The following GATA4 variants were observed in gnomAD, a reference collection of about 807,000 sequenced individuals.
GATA4 encodes the protein GATA binding protein 4.
Under a neutral mutation model 37.9 loss-of-function variants are expected in GATA4, and 7 were observed. That is an observed-to-expected ratio of 0.18 (90% confidence interval 0.11 to 0.35). GATA4 has a LOEUF of 0.35. Ranked by LOEUF, GATA4 falls within the 10% of genes least tolerant of loss-of-function variation. The pLI, the probability that GATA4 is intolerant of heterozygous loss-of-function variation, is 1.00. For missense variants in GATA4, 647 were observed against 653.0 expected (o/e 0.99, Z 0.10); for synonymous variants, 372 against 292.6 (o/e 1.27, Z -2.77).
intron 2 of GATA4, among the ~76,000 whole-genome samples, chr8:11,744,838 G>C (rs1433890629): frequency 6.6e-6 from 1 of 152,084 alleles, no homozygotes; most frequent in African/African-American, 2.4e-5. Flanking sequence ...TATCGCAATG[G>C]GACTTCTATG....
Position 11,757,179 on chromosome 8 carries a change from G to T in GATA4, c.1149+96G>T, listed in dbSNP as rs117215662. 2.0e-3 allele frequency: 3,137 copies of T among 1,535,942 alleles called. 8 individuals are homozygous for T. Among genetic ancestry groups the T allele is most frequent in the Middle Eastern group, 8.8e-3 (39 of 4,446 alleles). On this transcript the variant is annotated intron_variant, in intron 6 of 6. Transcript: ENST00000532059. ...AGTACTGGGTGGGACTTGCAGCCAG[G>T]CCTCACAGGTGCAAGCAGTGAGCTA...
chr8:11,680,410 C>G (rs990028209), intron 1 of GATA4: 1 of 923,104 alleles, frequency 1.1e-6, no homozygotes, highest in African/African-American at 1.8e-5. Flanking sequence ...CGCCCTCGGC[C>G]CACGAGGCTG....
intron 1 of GATA4, among the ~76,000 whole-genome samples, chr8:11,699,135 AC>A (rs1249502928): frequency 6.6e-6 from 1 of 152,224 alleles, no homozygotes; most frequent in African/African-American, 2.4e-5. Context: ...CACTGCATTC[AC>A]AGAGCATACC....
intron 2 of GATA4, among the ~76,000 whole-genome samples, chr8:11,721,800 A>G (rs975479586): frequency 2.0e-5 from 3 of 152,192 alleles, no homozygotes; most frequent in African/African-American, 4.8e-5. Flanking sequence ...GTGGGATGAC[A>G]TAGGATTACA....
At position 11,709,211 on chromosome 8, in the gene GATA4, T is replaced by C. The variant is rs1800051091; in HGVS notation, c.616+283T>C. Among the ~76,000 whole-genome samples the C allele has an allele frequency of 6.6e-6, 1 of 152,112 alleles. No homozygotes were observed. The highest frequency in any genetic ancestry group is 2.1e-4 in the South Asian group (1 of 4,826). ...TCCCCGCCATCCCAGACATCGACCG[T>C]GGCCGCGCTGCGCTGTGGGTGACGC... On this transcript the variant is annotated intron_variant, in intron 2 of 6. Transcript: ENST00000532059. The surrounding 1 kb of genome is among the most constrained non-coding windows in gnomAD (Gnocchi z 4.3).
At chr8:11,715,665 C>T (rs1266415339) in intron 2 of GATA4, among the ~76,000 whole-genome samples, 9 of 150,466 alleles carry the variant, frequency 6.0e-5, no homozygotes, top group Admixed American at 1.3e-4. Flanking sequence ...TGCTTGAACC[C>T]GGGAGTTGGA....
chr8:11,741,259 C>A (rs1232741097), intron 2 of GATA4, among the ~76,000 whole-genome samples: 2 of 152,066 alleles, frequency 1.3e-5, no homozygotes, highest in Non-Finnish European at 2.9e-5. Flanking sequence ...GGGAGGATTG[C>A]TTGAACTCAG....
At chr8:11,687,057 G>A (rs575285048) in intron 1 of GATA4, among the ~76,000 whole-genome samples, 1 of 152,072 alleles carries the variant, frequency 6.6e-6, no homozygotes, top group Non-Finnish European at 1.5e-5. Flanking sequence ...CTAGGAAGGG[G>A]ATTAACTCCA....
chr8:11,726,089 G>C (rs1391791121), intron 2 of GATA4, among the ~76,000 whole-genome samples: 2 of 152,206 alleles, frequency 1.3e-5, no homozygotes, highest in African/African-American at 4.8e-5. Flanking sequence ...CCATCACCTG[G>C]TACATACAGG....
intron 2 of GATA4, among the ~76,000 whole-genome samples, chr8:11,710,470 A>G (rs1800127864): frequency 6.6e-6 from 1 of 151,264 alleles, no homozygotes; most frequent in Non-Finnish European, 1.5e-5. Context: ...GGACTGGGCC[A>G]GGAGATCGAG....
rs144881982 is a variant in GATA4 at position 11,734,335 on chromosome 8, G to A, written c.617-14581G>A. 1.2e-3 allele frequency among the ~76,000 whole-genome samples: 188 copies of A among 152,284 alleles called. 3 individuals are homozygous for A. The highest frequency in any genetic ancestry group is 2.3e-3 in the Non-Finnish European group (155 of 68,014). ...CCATAGAATGTGTGGCTTTAACAAC[G>A]CTTATTTCTCAAAGTTCTGGAAGCC... On this transcript the variant is annotated intron_variant, in intron 2 of 6. Coordinates refer to ENST00000532059, the MANE Select transcript of GATA4 (RefSeq NM_001308093.3).
rs1280020784 is a variant in GATA4, at chr8:11,709,560, G to A, written c.616+632G>A. Among the ~76,000 whole-genome samples the A allele has an allele frequency of 7.4e-6, 1 of 134,258 alleles. No homozygotes were observed. The highest frequency in any genetic ancestry group is 2.6e-5 in the African/African-American group (1 of 38,128). 88.1% of individuals were successfully genotyped at this position (134,258 alleles called of 152,430 possible). ...GTGCCACCCGGCCGAGCGCGTGGGC[G>A]CATCATGCGGGCAGCGGGGGGGGGG... On this transcript the variant is annotated intron_variant, in intron 2 of 6. Transcript: ENST00000532059. The surrounding 1 kb of genome is among the most constrained non-coding windows in gnomAD (Gnocchi z 4.3).
intron 2 of GATA4, among the ~76,000 whole-genome samples, chr8:11,743,505 C>T (rs2130278352): frequency 6.6e-6 from 1 of 152,354 alleles, no homozygotes; most frequent in South Asian, 2.1e-4. Flanking sequence ...GATGGGGCGG[C>T]AGCAGTGGCC....
At chr8:11,692,688 G>T (rs1216966629) in intron 1 of GATA4, 1 of 985,010 alleles carries the variant, frequency 1.0e-6, no homozygotes, top group Non-Finnish European at 1.2e-6. Context: ...GGGGTGAGGG[G>T]TGCGGGGCTG....
At chr8:11,723,762 G>A (rs1372843356) in intron 2 of GATA4, among the ~76,000 whole-genome samples, 1 of 152,124 alleles carries the variant, frequency 6.6e-6, no homozygotes, top group Admixed American at 6.6e-5. Flanking sequence ...CAAATTTAGG[G>A]CTAAAAGGCT....
At chr8:11,715,008 A>T (rs919059698) in intron 2 of GATA4, among the ~76,000 whole-genome samples, 1 of 152,202 alleles carries the variant, frequency 6.6e-6, no homozygotes, top group East Asian at 1.9e-4. Context: ...ATTGCTCGTA[A>T]TAACAAAATT....
In GATA4 at chr8:11,708,692, G is replaced by T. The variant is rs1243318122; in HGVS notation, c.380G>T (p.Arg127Leu). ...LAAAAAAAAA[R>L]EAAAYSSGGG... ...GCCGCCGCCGCCGCTGCCGCGGCCC[G>T]GGAAGCTGCGGCCTACAGCAGTGGC... The change falls in exon 2 of 7, where the codon CGG (arginine) becomes CTG (leucine). Residue 127 changes from arginine to leucine, a missense_variant. Transcript: ENST00000532059. This position sits in a 1 kb window ranked among gnomAD's most constrained non-coding sequence, Gnocchi z 6.7. The T allele has an allele frequency of 5.5e-6, 7 of 1,276,774 alleles. No individual in the cohort carries two copies. The highest frequency in any genetic ancestry group is 2.0e-6 in the Non-Finnish European group (2 of 1,016,600). 79.1% of individuals were successfully genotyped at this position (1,276,774 alleles called of 1,614,324 possible). A position where few individuals can be genotyped will look rare whatever the true frequency, so the allele number is the denominator to read the frequency against.
chr8:11,710,207 A>G (rs1457486192), intron 2 of GATA4, among the ~76,000 whole-genome samples: 1 of 152,052 alleles, frequency 6.6e-6, no homozygotes, highest in Non-Finnish European at 1.5e-5. Context: ...TAACCCTGAA[A>G]GTGGCGCCGA....
intron 4 of GATA4, among the ~76,000 whole-genome samples, chr8:11,750,909 T>C (rs1340270562): frequency 6.6e-6 from 1 of 151,892 alleles, no homozygotes; most frequent in East Asian, 1.9e-4. Context: ...ATTGTCCCAC[T>C]GCACTCCAGC....
Sources: gnomAD v4.1 joint callset for allele counts (sites outside exome capture counted in the v4.1 genomes callset) on GRCh38, gnomAD v4.1.1 for gene constraint, Gnocchi (gnomAD v3.1) non-coding constraint, MANE v1.5 for transcripts, NCBI Gene and HGNC (gene_info 2026-07-23, HGNC 2026-07-21) for gene names.